VARS1: variants seen among roughly 807,000 people sequenced by gnomAD.
VARS1 encodes the protein valine--tRNA ligase.
A neutral mutation model predicts 161.0 loss-of-function variants in VARS1; 92 were observed. The observed-to-expected ratio is 0.57, with a 90% CI of 0.48 to 0.68. The LOEUF is 0.68. VARS1 is among the 30% of genes least tolerant of loss of function. VARS1 has a pLI of 0.00. For synonymous variants in VARS1, 595 were observed against 682.5 expected (o/e 0.87, Z 2.00); for missense variants, 1,338 against 1,695.9 (o/e 0.79, Z 3.71).
At position 31,780,903 on chromosome 6, in the gene VARS1, A is replaced by C. The variant is rs1284619296; in HGVS notation, c.2685T>G (p.Asp895Glu). The change falls in exon 23 of 30, where the codon GAT becomes GAG. Residue 895 changes from aspartate to glutamate, a missense_variant. Transcript: ENST00000375663. This position sits in a 1 kb window ranked among gnomAD's most constrained non-coding sequence, Gnocchi z 5.1. ...LHNQLLNSNLDPSEVEKAKEG... is the reference protein window; with the variant it reads ...LHNQLLNSNLEPSEVEKAKEG... ...CTTTGGCCTTCTCCACCTCGCTGGG[A>C]TCCAGGTTGCTGTTCAGCAGCTGGT... 1 of 1,614,134 alleles carries C rather than the reference A, an allele frequency of 6.2e-7. No homozygotes were observed. Among genetic ancestry groups the C allele is most frequent in the East Asian group, 2.2e-5 (1 of 44,880 alleles).
chr6:31,794,093 CAAAA>C (rs33960246), intron 2 of VARS1, among the ~76,000 whole-genome samples: 3 of 71,178 alleles, frequency 4.2e-5, no homozygotes, highest in Non-Finnish European at 6.1e-5. Flanking sequence ...GATTCTGTCT[CAAAA>C]AAAAAAAAAA....
In VARS1 at chr6:31,794,999, C is replaced by T. The variant is rs1207589918; in HGVS notation, c.219G>A (p.Thr73=). 2 of 1,605,842 alleles carry T rather than the reference C, an allele frequency of 1.2e-6. No individual in the cohort carries two copies. Among genetic ancestry groups the T allele is most frequent in the African/African-American group, 1.3e-5 (1 of 74,774 alleles). The part of the protein sequence containing the change: ...GPGGLWVWGA[T]AVAQLLWPAG... ...CTGGCCACAGCAGCTGGGCCACAGC[C>T]GTGGCCCCCCACACCCAGAGCCCAC... Residue 73 remains threonine (T), a synonymous_variant, in exon 2 of 30, where the codon ACG becomes ACA. Transcript: ENST00000375663.
At position 31,779,240 on chromosome 6, in the gene VARS1, C is replaced by A; in HGVS notation, c.3453G>T (p.Ser1151=). ...EATGALASAV[S]GYVQALASAG... Reference sequence around the variant, plus strand: ...CGCTGGCCAGGGCCTGCACGTAGCCCGACACCGCCGATGCCAGGGCGCCCG... The same window carrying A: ...CGCTGGCCAGGGCCTGCACGTAGCCAGACACCGCCGATGCCAGGGCGCCCG... The change falls in exon 29 of 30, where the codon TCG becomes TCT. Residue 1151 remains serine (S), a synonymous_variant. Transcript: ENST00000375663. The surrounding 1 kb of genome is among the most constrained non-coding windows in gnomAD (Gnocchi z 9.1). The A allele has an allele frequency of 1.2e-6, 2 of 1,605,160 alleles. No individual in the cohort carries two copies. Among genetic ancestry groups the A allele is most frequent in the Non-Finnish European group, 1.7e-6 (2 of 1,179,292 alleles).
chr6:31,782,180 G>A lies in VARS1; in HGVS notation c.2151-3C>T. The A allele has an allele frequency of 1.2e-6, 2 of 1,613,576 alleles. No homozygotes were observed. The highest frequency in any genetic ancestry group is 1.3e-5 in the African/African-American group (1 of 75,064). On this transcript the variant is annotated splice_region_variant and splice_polypyrimidine_tract_variant and intron_variant, in intron 17 of 29. Coordinates refer to ENST00000375663, the MANE Select transcript of VARS1 (RefSeq NM_006295.3). This position sits in a 1 kb window ranked among gnomAD's most constrained non-coding sequence, Gnocchi z 8.3. ...GCTGCCTGGAAATGCACCACTCCCT[G>A]CAAATGTCGGGGAGGAGAAATCAGG... is the stretch of plus-strand genomic sequence containing the variant.
rs756883834 is a variant in VARS1, at chr6:31,782,598, C to T, written c.1923G>A (p.Leu641=). ...ACAGTCCCCGCTCCTTCAGCGCCAC[C>T]AGCACCGCTTTCCTGGCCTCAAACC... The part of the protein sequence containing the change: ...LPRFEARKAV[L]VALKERGLFR... Residue 641 remains leucine (L), a synonymous_variant, in exon 16 of 30, where the codon CTG becomes CTA. Transcript: ENST00000375663. The surrounding 1 kb of genome is among the most constrained non-coding windows in gnomAD (Gnocchi z 8.3). 3.1e-6 allele frequency: 5 copies of T among 1,613,074 alleles called. No individual in the cohort carries two copies. The highest frequency in any genetic ancestry group is 3.4e-6 in the Non-Finnish European group (4 of 1,180,022).
At chr6:31,792,637 T>G in intron 4 of VARS1, 120 bp downstream of exon 4, 4 of 1,591,020 alleles carry the variant, frequency 2.5e-6, no homozygotes, top group Non-Finnish European at 3.4e-6. Flanking sequence ...CTCCCCCCTC[T>G]CCCTCCTCTC....
In VARS1 at chr6:31,781,391, C is replaced by T. The variant is rs915381918; in HGVS notation, c.2544+90G>A. ...GGTCAGGCCTGCCCACAGCTAACCC[C>T]ATGCCCCAGCCACGCGGGGTCTGCG... On this transcript the variant is annotated intron_variant, in intron 21 of 29. Transcript: ENST00000375663. The surrounding 1 kb of genome is among the most constrained non-coding windows in gnomAD (Gnocchi z 6.8). The T allele has an allele frequency of 7.2e-6, 11 of 1,532,418 alleles. No homozygotes were observed. In the South Asian group the frequency reaches 1.1e-4, roughly 15 times the overall value. 94.9% of individuals were successfully genotyped at this position (1,532,418 alleles called of 1,614,324 possible). A position where few individuals can be genotyped will look rare whatever the true frequency, so the allele number is the denominator to read the frequency against.
chr6:31,784,076 C>CTAT lies in VARS1; in HGVS notation c.1671+137_1671+138insATA. 1 of 937,644 alleles carries CTAT rather than the reference C, an allele frequency of 1.1e-6. No homozygotes were observed. Among genetic ancestry groups the CTAT allele is most frequent in the Non-Finnish European group, 1.7e-6 (1 of 603,670 alleles). 58.1% of individuals were successfully genotyped at this position (937,644 alleles called of 1,614,324 possible). On this transcript the variant is annotated intron_variant, in intron 13 of 29. Coordinates refer to ENST00000375663, the MANE Select transcript of VARS1 (RefSeq NM_006295.3). The surrounding 1 kb of genome is among the most constrained non-coding windows in gnomAD (Gnocchi z 6.1). ...GTCCCCAATAGCTCTACCCTCAGAG[C>CTAT]TGGGAAAGAAGCTGAAGACCAGTTT... is the stretch of plus-strand genomic sequence containing the variant.
chr6:31,793,659 C>T (rs951040561), intron 2 of VARS1, among the ~76,000 whole-genome samples: 13 of 152,208 alleles, frequency 8.5e-5, no homozygotes, highest in Non-Finnish European at 1.5e-4. Context: ...GTATTAAGTA[C>T]TTCTCCAGGG....
At position 31,795,212 on chromosome 6, in the gene VARS1, G is replaced by C; in HGVS notation, c.6C>G (p.Ser2=). 2 of 1,443,340 alleles carry C rather than the reference G, an allele frequency of 1.4e-6. No individual in the cohort carries two copies. The highest frequency in any genetic ancestry group is 3.1e-5 in the South Asian group (2 of 63,742). 89.4% of individuals were successfully genotyped at this position (1,443,340 alleles called of 1,614,324 possible). The change falls in exon 2 of 30, where the codon TCC becomes TCG. Residue 2 remains serine (S), a synonymous_variant. Transcript: ENST00000375663. The surrounding 1 kb of genome is among the most constrained non-coding windows in gnomAD (Gnocchi z 6.9). ...CTGGGTGAGGGGAGACGTAGAGGGT[G>C]GACATAGTTATGAGAAGGTCCGAAC... is the stretch of plus-strand genomic sequence containing the variant. M[S]TLYVSPHPDA...
In VARS1 at chr6:31,785,520, G is replaced by A; in HGVS notation, c.1265+49C>T. 6.5e-7 allele frequency: 1 copy of A among 1,545,284 alleles called. No homozygotes were observed. The highest frequency in any genetic ancestry group is 8.7e-7 in the Non-Finnish European group (1 of 1,144,466). The stretch of plus-strand genomic sequence containing the variant: ...CAGGTGACAGAGGTCTTCTGGATAG[G>A]GGACAGGGAGGCAGGGCTGCGATGC... On this transcript the variant is annotated intron_variant, in intron 9 of 29. Coordinates refer to ENST00000375663, the MANE Select transcript of VARS1 (RefSeq NM_006295.3). This position sits in a 1 kb window ranked among gnomAD's most constrained non-coding sequence, Gnocchi z 6.1.
Position 31,792,412 on chromosome 6 carries a change from G to A in VARS1, c.766C>T (p.Gln256Ter). The A allele has an allele frequency of 6.2e-7, 1 of 1,613,970 alleles. No individual in the cohort carries two copies. The highest frequency in any genetic ancestry group is 8.5e-7 in the Non-Finnish European group (1 of 1,180,022). ...CTCACCTCCCCTGGAGGTGGCTGCT[G>A]CTGTTGGATCTTCTGCTTCTGTTGG... ...KFQQKQKIQQ[Q>*]QPPPGEKKPK... Residue 256 changes from glutamine to a stop codon, truncating the protein, a stop_gained, in exon 5 of 30, where the codon CAG becomes TAG. Transcript: ENST00000375663. LOFTEE classifies it high-confidence loss of function.
Position 31,785,824 on chromosome 6 carries a change from A to G in VARS1, c.1101-91T>C. On this transcript the variant is annotated intron_variant, in intron 8 of 29. Transcript: ENST00000375663. This position sits in a 1 kb window ranked among gnomAD's most constrained non-coding sequence, Gnocchi z 6.1. ...GAGGCTTCAGGCAAGGAGTCAGTGG[A>G]CTAAATAAAGAAGCAGGGAGGCCGG... is the stretch of plus-strand genomic sequence containing the variant. The G allele has an allele frequency of 1.4e-6, 2 of 1,480,738 alleles. No individual in the cohort carries two copies. The highest frequency in any genetic ancestry group is 1.8e-6 in the Non-Finnish European group (2 of 1,116,656). 91.7% of individuals were successfully genotyped at this position (1,480,738 alleles called of 1,614,324 possible).
chr6:31,788,431 CAG>C (rs1813649119), intron 8 of VARS1, among the ~76,000 whole-genome samples: 1 of 150,076 alleles, frequency 6.7e-6, no homozygotes, highest in South Asian at 2.1e-4. Context: ...GCTCAGGAGG[CAG>C]AGGTTGCAGT....
Position 31,784,474 on chromosome 6 carries a change from G to T in VARS1, c.1496C>A (p.Thr499Asn). ...EVDKKELTGRTLLSVPGYKEK... is the reference protein window; with the variant it reads ...EVDKKELTGRNLLSVPGYKEK... ...CTTGTAGCCAGGCACGGAGAGCAGG[G>T]TGCGACCTGTCAGCTCCTTCTTATC... Residue 499 changes from threonine to asparagine, a missense_variant, in exon 12 of 30, where the codon ACC becomes AAC. Coordinates refer to ENST00000375663, the MANE Select transcript of VARS1 (RefSeq NM_006295.3). The surrounding 1 kb of genome is among the most constrained non-coding windows in gnomAD (Gnocchi z 6.1). 4 of 1,614,124 alleles carry T rather than the reference G, an allele frequency of 2.5e-6. No homozygotes were observed. The highest frequency in any genetic ancestry group is 3.4e-6 in the Non-Finnish European group (4 of 1,180,034).
In VARS1 at chr6:31,793,009, C is replaced by A. The variant is rs1192676706; in HGVS notation, c.499G>T (p.Ala167Ser). 6.2e-7 allele frequency: 1 copy of A among 1,613,370 alleles called. No individual in the cohort carries two copies. Among genetic ancestry groups the A allele is most frequent in the Non-Finnish European group, 8.5e-7 (1 of 1,180,044 alleles). ...ACGTATCGGAAAGGCAGCAGCAAGG[C>A]TGTGACAGCCGCCAGGTCAGCCAGA... ...PTLADLAAVT[A>S]LLLPFRYVLD... Residue 167 changes from alanine (A) to serine (S), a missense_variant, in exon 3 of 30, where the codon GCC becomes TCC. This residue lies in a region of VARS1 where 902 missense variants were observed against 1,090.3 expected (regional missense o/e 0.83). Coordinates refer to ENST00000375663, the MANE Select transcript of VARS1 (RefSeq NM_006295.3).
At position 31,791,816 on chromosome 6, in the gene VARS1, G is replaced by A; in HGVS notation, c.972+55C>T. The A allele has an allele frequency of 1.4e-5, 22 of 1,612,846 alleles. No homozygotes were observed. The highest frequency in any genetic ancestry group is 1.9e-5 in the Non-Finnish European group (22 of 1,179,932). On this transcript the variant is annotated intron_variant, in intron 7 of 29. Transcript: ENST00000375663. The surrounding 1 kb of genome is among the most constrained non-coding windows in gnomAD (Gnocchi z 5.0). Reference sequence around the variant, plus strand: ...CCCCTCCCAGGCAACACATCCTTCAGTCCTGCCCTTCCCCACCCCACCCAC... The same window carrying A: ...CCCCTCCCAGGCAACACATCCTTCAATCCTGCCCTTCCCCACCCCACCCAC...
Position 31,792,857 on chromosome 6 carries a change from C to T in VARS1, c.561G>A (p.Val187=), listed in dbSNP as rs1231293074. The change falls in exon 4 of 30, where the codon GTG becomes GTA. Residue 187 remains valine (V), a synonymous_variant. Transcript: ENST00000375663. ...DPPARRIWNN[V]TRWFVTCVRQ... ...GGACACACGTGACAAACCAGCGAGT[C>T]ACATTATTCCAGATCCGGCGGGCAG... The T allele has an allele frequency of 1.2e-6, 2 of 1,614,170 alleles. No individual in the cohort carries two copies. The highest frequency in any genetic ancestry group is 1.7e-6 in the Non-Finnish European group (2 of 1,180,022).
chr6:31,780,055 C>A lies in VARS1; in HGVS notation c.3024G>T (p.Pro1008=). 6.2e-7 allele frequency: 1 copy of A among 1,614,102 alleles called. No individual in the cohort carries two copies. The highest frequency in any genetic ancestry group is 8.5e-7 in the Non-Finnish European group (1 of 1,180,040). The change falls in exon 26 of 30, where the codon CCG becomes CCT. Residue 1008 remains proline, a synonymous_variant. Transcript: ENST00000375663. This position sits in a 1 kb window ranked among gnomAD's most constrained non-coding sequence, Gnocchi z 5.1. ...AGCTGTACTGGGCAGTGGTGACGGC[C>A]GGGAAGTCGTAGGCCTGGAAGCCTT... ...SNQGFQAYDF[P]AVTTAQYSFW... is the part of the protein sequence containing the mutation.
Sources: gnomAD v4.1 joint callset for allele counts (sites outside exome capture counted in the v4.1 genomes callset) on GRCh38, gnomAD v4.1.1 for gene constraint, gnomAD v4.1.1 regional missense constraint, Gnocchi (gnomAD v3.1) non-coding constraint, MANE v1.5 for transcripts, NCBI Gene and HGNC (gene_info 2026-07-23, HGNC 2026-07-21) for gene names.